BEND2: variants seen among roughly 807,000 people sequenced by gnomAD.
BEND2 encodes BEN domain containing 2.
Under a neutral mutation model 43.8 loss-of-function variants are expected in BEND2, and 19 were observed. The observed-to-expected ratio is 0.43, with a 90% CI of 0.30 to 0.64. BEND2 has a LOEUF of 0.64. BEND2 is among the 30% of genes least tolerant of loss of function. The probability of loss-of-function intolerance (pLI) is 0.11; values close to 1 mark genes in which losing one functional copy is unlikely to be tolerated. For missense variants in BEND2, 544 were observed against 574.0 expected, an observed-to-expected ratio of 0.95 and a Z score of 0.53; for synonymous variants, 226 against 210.1, an observed-to-expected ratio of 1.08 and a Z score of -0.66.
intron 9 of BEND2, among the ~76,000 whole-genome samples, chrX:18,179,274 A>C (rs747688124): frequency 1.1e-5 from 1 of 92,176 alleles, no homozygotes; most frequent in South Asian, 5.4e-4. Context: ...TGATCCTCCC[A>C]CCTCAGCCTC....
At chrX:18,199,247 A>G (rs948003652) in intron 6 of BEND2, among the ~76,000 whole-genome samples, 6 of 111,916 alleles carry the variant, frequency 5.4e-5, no homozygotes, top group Admixed American at 9.5e-5. Flanking sequence ...AGTTGCATTT[A>G]AGTAATGATA....
At chrX:18,199,586 T>C (rs1193478802) in intron 6 of BEND2, among the ~76,000 whole-genome samples, 2 of 111,152 alleles carry the variant, frequency 1.8e-5, no homozygotes, top group Non-Finnish European at 3.8e-5. Context: ...CTGTACAATT[T>C]CTTACAATTA....
intron 10 of BEND2, 115 bp from the exon 11 acceptor site, chrX:18,176,208 C>CT: frequency 1.8e-6 from 1 of 565,456 alleles, no homozygotes; most frequent in Non-Finnish European, 2.6e-6. Flanking sequence ...ATGGTGAGCA[C>CT]TCTGGTGACT....
chrX:18,181,290 A>T (rs1924377694), intron 8 of BEND2, among the ~76,000 whole-genome samples: 1 of 111,182 alleles, frequency 9.0e-6, no homozygotes, highest in Admixed American at 9.6e-5. Flanking sequence ...CTAAGAGTGA[A>T]ATTGCTGGAA....
intron 9 of BEND2, among the ~76,000 whole-genome samples, chrX:18,179,373 T>C (rs1400944655): frequency 9.1e-6 from 1 of 109,671 alleles, no homozygotes. Context: ...ATGTTGCCCA[T>C]GCTGGTCTCA....
chrX:18,207,686 A>C (rs1220455807), intron 4 of BEND2, among the ~76,000 whole-genome samples: 1 of 112,518 alleles, frequency 8.9e-6, no homozygotes, highest in Non-Finnish European at 1.9e-5. Flanking sequence ...CAATGAGATG[A>C]TAATCATACA....
intron 7 of BEND2, among the ~76,000 whole-genome samples, chrX:18,192,747 A>T (rs1338417230): frequency 8.9e-6 from 1 of 112,499 alleles, no homozygotes; most frequent in Non-Finnish European, 1.9e-5. Context: ...CATCCATACC[A>T]TGGAATAGTG....
chrX:18,213,292 G>A (rs1925567562), intron 3 of BEND2, among the ~76,000 whole-genome samples: 2 of 112,057 alleles, frequency 1.8e-5, no homozygotes, highest in Non-Finnish European at 3.8e-5. Flanking sequence ...ACCTAACTAC[G>A]GAACTAGAAG....
chrX:18,165,096 C>T lies in BEND2; in HGVS notation c.2313G>A (p.Arg771=), dbSNP rs2147384682. The change falls in exon 14 of 14, where the codon AGG becomes AGA. Residue 771 remains arginine (R), a synonymous_variant. Coordinates refer to ENST00000380033, the MANE Select transcript of BEND2 (RefSeq NM_153346.5). ...GGGTCACTGCTGGAAGCGACTGAGA[C>T]CTGGCTTCAGCCCTTCTGACGTCAT... is the stretch of plus-strand genomic sequence containing the variant. ...LRHDVRRAEA[R]SQSLPAVTPP... 2 of 1,210,447 alleles carry T rather than the reference C, an allele frequency of 1.7e-6. No individual in the cohort carries two copies. The highest frequency in any genetic ancestry group is 3.0e-5 in the East Asian group (1 of 33,832).
At chrX:18,204,653 A>T (rs1488450452) in intron 4 of BEND2, among the ~76,000 whole-genome samples, 1 of 111,846 alleles carries the variant, frequency 8.9e-6, no homozygotes, top group Non-Finnish European at 1.9e-5. Context: ...TCTTGCTCCT[A>T]TTCGAGGCCT....
rs770689247 is a variant in BEND2, at chrX:18,195,571, C to T, written c.1034-129G>A. ...AAAATCTGTCCCTAGCCGACTTATC[C>T]ATATAAAAGGTTAAAGGAAAATCTC... On this transcript the variant is annotated intron_variant, in intron 6 of 13. Transcript: ENST00000380033. 9.3e-6 allele frequency: 6 copies of T among 647,364 alleles called. No homozygotes were observed. In the Admixed American group the frequency reaches 1.2e-4, roughly 13 times the overall value. 53.4% of individuals were successfully genotyped at this position (647,364 alleles called of 1,213,427 possible).
intron 13 of BEND2, among the ~76,000 whole-genome samples, chrX:18,169,341 A>C (rs1923905282): frequency 1.8e-5 from 2 of 110,817 alleles, no homozygotes; most frequent in Admixed American, 9.7e-5. Context: ...ATATCAGTGA[A>C]GCTTTCATTA....
chrX:18,203,812 T>G lies in BEND2; in HGVS notation c.596A>C (p.Glu199Ala). ...LESAACHELQ[E>A]ADLSESLSYP... ...TGATAAACTCTCACTGAGGTCTGCT[T>G]CCTGCAGTTCATGACATGCTGCTGA... The change falls in exon 5 of 14, where the codon GAA (glutamate) becomes GCA (alanine). Residue 199 changes from glutamate (E) to alanine (A), a missense_variant. Physicochemically the swap from Glu to Ala is moderately radical, Grantham distance 107 (BLOSUM62 -1). This residue lies in a region of BEND2 where 501 missense variants were observed against 501.6 expected (regional missense o/e 1.00). Transcript: ENST00000380033. The G allele has an allele frequency of 8.3e-7, 1 of 1,210,767 alleles. No individual in the cohort carries two copies. Among genetic ancestry groups the G allele is most frequent in the Non-Finnish European group, 1.1e-6 (1 of 894,398 alleles).
rs1452977234 is a variant in BEND2 at position 18,213,898 on chromosome X, G to T, written c.252C>A (p.Val84=). The T allele has an allele frequency of 8.6e-6, 1 of 115,749 alleles. No individual in the cohort carries two copies. The highest frequency in any genetic ancestry group is 1.8e-5 in the Non-Finnish European group (1 of 54,767). The allele number at this position is 115,749 out of a possible 1,213,427, so 9.5% of individuals were successfully genotyped here. ...CATGCCACTGCACTCCAGCCTGGGT[G>T]ACAGAGCCAGACCCTGACTCAAAAA... is the stretch of plus-strand genomic sequence containing the variant. ...PLQMSYGSGS[V]TQAGVQWHDH... is the part of the protein sequence containing the mutation. Residue 84 remains valine (V), a synonymous_variant, in exon 3 of 14, where the codon GTC becomes GTA. Transcript: ENST00000380033.
At chrX:18,174,773 G>A (rs1924091171) in intron 11 of BEND2, among the ~76,000 whole-genome samples, 1 of 110,314 alleles carries the variant, frequency 9.1e-6, no homozygotes, top group East Asian at 2.9e-4. Flanking sequence ...TTTTAAAAGT[G>A]TCTCGTGTGA....
chrX:18,218,150 A>G (rs1024754935), intron 1 of BEND2, among the ~76,000 whole-genome samples: 19 of 110,528 alleles, frequency 1.7e-4, no homozygotes, highest in Admixed American at 1.7e-3. Context: ...CATGTTCCCA[A>G]AGAAAATGTA....
intron 8 of BEND2, among the ~76,000 whole-genome samples, chrX:18,190,762 TCTCTCACA>T (rs1924739559): frequency 1.1e-5 from 1 of 87,683 alleles, no homozygotes; most frequent in African/African-American, 4.3e-5. Context: ...TCTCTCTCTC[TCTCTCACA>T]CACACACACA....
In BEND2 at chrX:18,201,963, A is replaced by G. The variant is rs762726105; in HGVS notation, c.908-23T>C. The G allele has an allele frequency of 2.1e-4, 253 of 1,195,975 alleles. 1 individual carries two copies. In the Admixed American group the frequency reaches 5.6e-3, roughly 27 times the overall value. ...TTTCTGTAAATAAAAAGTTTTCAAG[A>G]GCTGTAATACAAGAACTTCACCCAC... is the stretch of plus-strand genomic sequence containing the variant. On this transcript the variant is annotated intron_variant, in intron 5 of 13. Coordinates refer to ENST00000380033, the MANE Select transcript of BEND2 (RefSeq NM_153346.5).
intron 2 of BEND2, among the ~76,000 whole-genome samples, chrX:18,216,173 G>A (rs1329401216): frequency 9.0e-6 from 1 of 111,018 alleles, no homozygotes. Context: ...CTGCTCCATG[G>A]ACTCTTGACT....
Sources: gnomAD v4.1 joint callset for allele counts (sites outside exome capture counted in the v4.1 genomes callset) on GRCh38, gnomAD v4.1.1 for gene constraint, gnomAD v4.1.1 regional missense constraint, MANE v1.5 for transcripts, NCBI Gene and HGNC (gene_info 2026-07-23, HGNC 2026-07-21) for gene names.